The following MEF2C variants were observed in gnomAD, a reference collection of about 807,000 sequenced individuals.
MEF2C encodes myocyte enhancer factor 2C.
MEF2C carries 6 observed loss-of-function variants against 50.5 expected under a neutral mutation model. The ratio of observed to expected loss-of-function variants is 0.12; its 90% CI spans 0.07 to 0.23. The LOEUF (loss-of-function observed/expected upper bound fraction) is 0.23. Ranked by LOEUF, MEF2C falls within the 10% of genes least tolerant of loss-of-function variation. The pLI is 1.00. For synonymous variants in MEF2C, 183 were observed against 228.0 expected (o/e 0.80, Z 1.78); for missense variants, 276 against 605.0 (o/e 0.46, Z 5.70).
chr5:88,838,162 A>G (rs1815918918), intron 1 of MEF2C, among the ~76,000 whole-genome samples: 1 of 152,182 alleles, frequency 6.6e-6, no homozygotes, highest in South Asian at 2.1e-4. Context: ...GGAGTACTTA[A>G]AACTTAAAAT....
chr5:88,901,926 A>C (rs1835697945), intron 1 of MEF2C, among the ~76,000 whole-genome samples: 1 of 151,958 alleles, frequency 6.6e-6, no homozygotes, highest in Admixed American at 6.6e-5. Flanking sequence ...AGCTTCATTT[A>C]TACTTAAATA....
At chr5:88,848,225 G>A (rs747380901) in intron 1 of MEF2C, among the ~76,000 whole-genome samples, 4 of 152,184 alleles carry the variant, frequency 2.6e-5, no homozygotes, top group Non-Finnish European at 5.9e-5. Context: ...GAGAGAATCT[G>A]CTGGATTTAA....
intron 1 of MEF2C, among the ~76,000 whole-genome samples, chr5:88,849,416 G>T (rs1292676910): frequency 1.3e-5 from 2 of 151,894 alleles, no homozygotes; most frequent in African/African-American, 4.8e-5. Flanking sequence ...AAATAATAAG[G>T]TCATATGCAC....
rs70996495 is a variant in MEF2C, at chr5:88,788,178, G to GTTTATTTATTTATTTA, written c.258+16404_258+16419dup. 2.1e-3 allele frequency among the ~76,000 whole-genome samples: 186 copies of GTTTATTTATTTATTTA among 89,202 alleles called. 1 individual carries two copies. Among genetic ancestry groups the GTTTATTTATTTATTTA allele is most frequent in the Non-Finnish European group, 2.5e-3 (95 of 37,666 alleles). The allele number at this position is 89,202 out of a possible 152,430, so 58.5% of individuals were successfully genotyped here. A position where few individuals can be genotyped will look rare whatever the true frequency, so the allele number is the denominator to read the frequency against. ...AACCATCATGCCAGTTTGTTTGTTTGTTTATTTATTTATTTATTTATTTAT... is the reference window on the plus strand; with the variant it reads ...AACCATCATGCCAGTTTGTTTGTTTGTTTATTTATTTATTTATTTATTTATTTATTTATTTATTTAT... On this transcript the variant is annotated intron_variant, in intron 3 of 10. Transcript: ENST00000504921.
intron 2 of MEF2C, among the ~76,000 whole-genome samples, chr5:88,819,973 C>T (rs1807457239): frequency 6.6e-6 from 1 of 151,880 alleles, no homozygotes; most frequent in African/African-American, 2.4e-5. Flanking sequence ...CCACTGAATA[C>T]TTGGTGTTAG....
intron 3 of MEF2C, among the ~76,000 whole-genome samples, chr5:88,776,888 A>C (rs534932150): frequency 1.7e-3 from 261 of 152,112 alleles, no homozygotes; most frequent in Non-Finnish European, 1.8e-3. Flanking sequence ...CTGTTGTCTA[A>C]CTCAACAAGG....
At chr5:88,853,686 T>C (rs1822214826) in intron 1 of MEF2C, among the ~76,000 whole-genome samples, 1 of 152,226 alleles carries the variant, frequency 6.6e-6, no homozygotes, top group African/African-American at 2.4e-5. Context: ...AGGCATGATT[T>C]AGCTTTTATT....
intron 4 of MEF2C, among the ~76,000 whole-genome samples, chr5:88,759,858 A>G (rs1314765483): frequency 9.9e-5 from 15 of 152,242 alleles, no homozygotes; most frequent in Admixed American, 9.2e-4. Context: ...AAAGTGTTCA[A>G]TTTAATTCAA....
chr5:88,856,032 T>C (rs992725928), intron 1 of MEF2C, among the ~76,000 whole-genome samples: 1 of 152,180 alleles, frequency 6.6e-6, no homozygotes, highest in African/African-American at 2.4e-5. Context: ...AGAGACTTGT[T>C]GAATGCCTTT....
intron 2 of MEF2C, among the ~76,000 whole-genome samples, chr5:88,814,319 C>T (rs1804288972): frequency 6.9e-6 from 1 of 145,654 alleles, no homozygotes; most frequent in African/African-American, 2.6e-5. Context: ...AGTGCCTCTG[C>T]AGACTTGTGT....
At chr5:88,770,392 T>C (rs1781858488) in intron 3 of MEF2C, among the ~76,000 whole-genome samples, 2 of 152,234 alleles carry the variant, frequency 1.3e-5, no homozygotes, top group Non-Finnish European at 2.9e-5. Flanking sequence ...TGTAAATGCC[T>C]TTTTATTCAA....
At chr5:88,725,743 G>A (rs906262216) in intron 10 of MEF2C, among the ~76,000 whole-genome samples, 5 of 151,962 alleles carry the variant, frequency 3.3e-5, no homozygotes, top group South Asian at 2.1e-4. Flanking sequence ...TACTGCCTCC[G>A]CCTGGAAATT....
chr5:88,755,333 C>A (rs1195133303), intron 4 of MEF2C, among the ~76,000 whole-genome samples: 1 of 152,106 alleles, frequency 6.6e-6, no homozygotes, highest in African/African-American at 2.4e-5. Flanking sequence ...ATAATTCTTT[C>A]CTTTTCAAAT....
At chr5:88,851,178 A>G (rs1312874435) in intron 1 of MEF2C, among the ~76,000 whole-genome samples, 2 of 145,770 alleles carry the variant, frequency 1.4e-5, no homozygotes, top group Non-Finnish European at 3.0e-5. Flanking sequence ...GGTTGCAGTG[A>G]GCCGAGATCG....
At chr5:88,836,307 C>T (rs560772884) in intron 1 of MEF2C, among the ~76,000 whole-genome samples, 2 of 152,010 alleles carry the variant, frequency 1.3e-5, no homozygotes, top group African/African-American at 2.4e-5. Flanking sequence ...CAATATTTCA[C>T]ATTGCATTCT....
At chr5:88,763,656 C>CTTTT (rs1216067217) in intron 3 of MEF2C, among the ~76,000 whole-genome samples, 4 of 141,334 alleles carry the variant, frequency 2.8e-5, no homozygotes, top group African/African-American at 5.2e-5. Context: ...TTCTTTCTTT[C>CTTTT]TTTTTTTTTT....
At chr5:88,811,762 A>T (rs1802924099) in intron 2 of MEF2C, among the ~76,000 whole-genome samples, 1 of 152,184 alleles carries the variant, frequency 6.6e-6, no homozygotes, top group South Asian at 2.1e-4. Flanking sequence ...AAAAATAATT[A>T]TCCAGATTGA....
At chr5:88,784,817 G>A (rs929386945) in intron 3 of MEF2C, among the ~76,000 whole-genome samples, 2 of 152,280 alleles carry the variant, frequency 1.3e-5, no homozygotes, top group Admixed American at 1.3e-4. Context: ...TGGTTTCGCA[G>A]GGTTGTATGT....
chr5:88,727,591 G>C (rs1044871784), intron 10 of MEF2C, among the ~76,000 whole-genome samples: 4 of 152,060 alleles, frequency 2.6e-5, no homozygotes, highest in African/African-American at 9.7e-5. Context: ...AGTGATTAAC[G>C]ATAACAAATG....
Sources: gnomAD v4.1 joint callset for allele counts (sites outside exome capture counted in the v4.1 genomes callset) on GRCh38, gnomAD v4.1.1 for gene constraint, MANE v1.5 for transcripts, NCBI Gene and HGNC (gene_info 2026-07-23, HGNC 2026-07-21) for gene names.